ARLN: variants seen among roughly 807,000 people sequenced by gnomAD.
ARLN encodes the protein sarcoplasmic/endoplasmic reticulum calcium ATPase regulator ARLN.
the ARLN span, chr4:119,300,624 A>T: frequency 3.1e-6 from 5 of 1,593,992 alleles, no homozygotes; most frequent in Non-Finnish European, 4.3e-6. Flanking sequence ...AACTGAGCGG[A>T]GTCCGGCCGC....
At chr4:119,298,669 G>A in the ARLN span, 1 of 651,494 alleles carries the variant, frequency 1.5e-6, no homozygotes, top group South Asian at 2.0e-5. Flanking sequence ...GTCCCTTGGA[G>A]ATGTGAAATT....
chr4:119,300,953 A>G, the ARLN span: 2 of 716,016 alleles, frequency 2.8e-6, no homozygotes, highest in Non-Finnish European at 4.4e-6. Context: ...CCTTATGCCA[A>G]CGTGTTAGGA....
chr4:119,299,821 TG>T, the ARLN span, among the ~76,000 whole-genome samples: 3 of 152,200 alleles, frequency 2.0e-5, no homozygotes, highest in African/African-American at 4.8e-5. Context: ...GGTAAGAAGC[TG>T]TTAAGAGTTC....
the ARLN span, among the ~76,000 whole-genome samples, chr4:119,301,241 T>TAAAAAA: frequency 1.0e-5 from 1 of 100,398 alleles, no homozygotes; most frequent in Non-Finnish European, 1.9e-5. Flanking sequence ...CCGTCTCTAC[T>TAAAAAA]AAAAAAAAAA....
chr4:119,300,664 G>T, the ARLN span: 1 of 1,552,664 alleles, frequency 6.4e-7, no homozygotes, highest in Non-Finnish European at 8.7e-7. Context: ...CCGGGTTCCG[G>T]AATGCACTCT....
the ARLN span, among the ~76,000 whole-genome samples, chr4:119,301,408 C>A: frequency 6.6e-6 from 1 of 151,838 alleles, no homozygotes; most frequent in Non-Finnish European, 1.5e-5. Flanking sequence ...GCCTGGGCAA[C>A]AGAGCGAGAC....
At chr4:119,300,348 T>C in the ARLN span, 1 of 1,605,676 alleles carries the variant, frequency 6.2e-7, no homozygotes, top group Admixed American at 1.7e-5. Flanking sequence ...TGGCAAAAAA[T>C]ACACAAAGAG....
the ARLN span, among the ~76,000 whole-genome samples, chr4:119,299,725 G>T: frequency 6.6e-6 from 1 of 152,170 alleles, no homozygotes; most frequent in African/African-American, 2.4e-5. Flanking sequence ...GTAAGAAAAG[G>T]GCAAAGTGTC....
the ARLN span, chr4:119,300,902 T>C: frequency 8.9e-7 from 1 of 1,124,562 alleles, no homozygotes; most frequent in Non-Finnish European, 1.2e-6. Flanking sequence ...TCCCTGAAAC[T>C]GCACGAGGTC....
At chr4:119,299,613 T>C in the ARLN span, among the ~76,000 whole-genome samples, 21 of 152,190 alleles carry the variant, frequency 1.4e-4, no homozygotes, top group Non-Finnish European at 2.8e-4. Context: ...TCTGCCAGAA[T>C]TGTCTTTTCA....
At chr4:119,300,648 C>A in the ARLN span, 3 of 1,570,316 alleles carry the variant, frequency 1.9e-6, no homozygotes, top group African/African-American at 2.7e-5. Flanking sequence ...CGCAGTGCGC[C>A]GCGCCCCGGG....
chr4:119,300,657 G>C, the ARLN span: 2 of 1,559,220 alleles, frequency 1.3e-6, no homozygotes, highest in South Asian at 1.2e-5. Flanking sequence ...CCGCGCCCCG[G>C]GTTCCGGAAT....
At chr4:119,303,996 T>C in the ARLN span, among the ~76,000 whole-genome samples, 2 of 152,218 alleles carry the variant, frequency 1.3e-5, no homozygotes, top group African/African-American at 4.8e-5. Context: ...CTGGCTCTAC[T>C]CTACTCAGCC....
At chr4:119,302,492 C>T in the ARLN span, among the ~76,000 whole-genome samples, 2 of 152,174 alleles carry the variant, frequency 1.3e-5, no homozygotes, top group East Asian at 1.9e-4. Flanking sequence ...CCTTCTGCCT[C>T]GACTTCCCAA....
At chr4:119,304,354 C>G in the ARLN span, 1 of 1,536,936 alleles carries the variant, frequency 6.5e-7, no homozygotes, top group Non-Finnish European at 8.7e-7. Flanking sequence ...GTATTTGTTT[C>G]CATAGTTTTT....
At chr4:119,300,784 ACTT>A in the ARLN span, 1 of 1,452,214 alleles carries the variant, frequency 6.9e-7, no homozygotes, top group African/African-American at 1.4e-5. Flanking sequence ...GGGCCCGCCT[ACTT>A]CTGCCTCGCG....
chr4:119,303,407 G>A, the ARLN span, among the ~76,000 whole-genome samples: 1 of 151,836 alleles, frequency 6.6e-6, no homozygotes, highest in Non-Finnish European at 1.5e-5. Context: ...GCTAATTTTT[G>A]TATTTTTAGT....
At chr4:119,300,928 G>T in the ARLN span, 1 of 921,716 alleles carries the variant, frequency 1.1e-6, no homozygotes, top group Non-Finnish European at 1.6e-6. Context: ...TCCTATCCCC[G>T]TATTCCGTTT....
At chr4:119,300,957 G>T in the ARLN span, 1 of 677,382 alleles carries the variant, frequency 1.5e-6, no homozygotes, top group Non-Finnish European at 2.4e-6. Context: ...ATGCCAACGT[G>T]TTAGGAAGGC....
Sources: gnomAD v4.1 joint callset for allele counts (sites outside exome capture counted in the v4.1 genomes callset) on GRCh38, gnomAD v4.1.1 for gene constraint, MANE v1.5 for transcripts, NCBI Gene and HGNC (gene_info 2026-07-23, HGNC 2026-07-21) for gene names.